The following ADAMTS17 variants were observed in gnomAD, a reference collection of about 807,000 sequenced individuals.
ADAMTS17 encodes A disintegrin and metalloproteinase with thrombospondin motifs 17.
Under a neutral mutation model 141.5 loss-of-function variants are expected in ADAMTS17, and 113 were observed. That is an observed-to-expected ratio of 0.80 (90% confidence interval 0.69 to 0.93). The LOEUF (loss-of-function observed/expected upper bound fraction) is 0.93, where lower values mean the gene tolerates loss of function less well. Ranked by LOEUF, ADAMTS17 falls within the 40% of genes least tolerant of loss-of-function variation. ADAMTS17 has a pLI of 0.00. For missense variants in ADAMTS17, 1,659 were observed against 1,517.9 expected, an observed-to-expected ratio of 1.09 and a Z score of -1.54; for synonymous variants, 768 against 630.6, an observed-to-expected ratio of 1.22 and a Z score of -3.27.
At chr15:100,313,140 C>G (rs1464018617) in intron 3 of ADAMTS17, among the ~76,000 whole-genome samples, 1 of 151,950 alleles carries the variant, frequency 6.6e-6, no homozygotes, top group East Asian at 1.9e-4. Context: ...TTCAGAGCAC[C>G]AAAAATAAAT....
chr15:100,021,580 C>T (rs1485907833), intron 18 of ADAMTS17, among the ~76,000 whole-genome samples: 1 of 152,240 alleles, frequency 6.6e-6, no homozygotes, highest in East Asian at 1.9e-4. Context: ...CTAATGCCTT[C>T]CATATCCTGA....
At chr15:100,212,879 C>T (rs1261488244) in intron 7 of ADAMTS17, among the ~76,000 whole-genome samples, 3 of 151,894 alleles carry the variant, frequency 2.0e-5, no homozygotes, top group Non-Finnish European at 4.4e-5. Context: ...GGGAATCAGC[C>T]AAGGTAATGC....
chr15:100,019,020 A>C (rs2061348029), intron 18 of ADAMTS17, among the ~76,000 whole-genome samples: 1 of 152,218 alleles, frequency 6.6e-6, no homozygotes. Flanking sequence ...AGAAAACGAC[A>C]TTCACTCCAT....
At chr15:100,129,335 G>A (rs942626322) in intron 12 of ADAMTS17, 9 of 152,260 alleles carry the variant, frequency 5.9e-5, no homozygotes, top group African/African-American at 2.2e-4. Context: ...TTCTGTGAGT[G>A]CTAATAACAA....
intron 7 of ADAMTS17, among the ~76,000 whole-genome samples, chr15:100,245,112 G>A (rs546687204): frequency 1.3e-5 from 2 of 152,224 alleles, no homozygotes; most frequent in African/African-American, 4.8e-5. Flanking sequence ...GAGAACAAGA[G>A]ACACTCCTTC....
intron 20 of ADAMTS17, among the ~76,000 whole-genome samples, chr15:99,984,197 G>A (rs1567641844): frequency 6.6e-6 from 1 of 152,206 alleles, no homozygotes; most frequent in Non-Finnish European, 1.5e-5. Context: ...AGGAGGCTGA[G>A]GTGACCCCCG....
intron 3 of ADAMTS17, among the ~76,000 whole-genome samples, chr15:100,314,062 C>G (rs539933447): frequency 3.0e-4 from 46 of 151,068 alleles, no homozygotes; most frequent in African/African-American, 1.1e-3. Context: ...ACAAAACCAC[C>G]CCAAATGTCA....
intron 18 of ADAMTS17, among the ~76,000 whole-genome samples, chr15:100,029,863 G>A (rs974859970): frequency 6.6e-6 from 1 of 152,190 alleles, no homozygotes; most frequent in Non-Finnish European, 1.5e-5. Flanking sequence ...CCCTGGACCA[G>A]CATCATGAGT....
intron 15 of ADAMTS17, among the ~76,000 whole-genome samples, chr15:100,079,678 C>T (rs10152483): frequency 1.3e-5 from 2 of 152,018 alleles, no homozygotes; most frequent in South Asian, 2.1e-4. Flanking sequence ...ATCATGGAAA[C>T]GGCAGTGGTT....
chr15:100,288,874 T>C (rs1314439036), intron 3 of ADAMTS17, among the ~76,000 whole-genome samples: 1 of 152,134 alleles, frequency 6.6e-6, no homozygotes, highest in Non-Finnish European at 1.5e-5. Flanking sequence ...GTTATTTAAA[T>C]GCCAAATGCT....
At chr15:100,205,100 C>G (rs2041483510) in intron 7 of ADAMTS17, among the ~76,000 whole-genome samples, 2 of 152,178 alleles carry the variant, frequency 1.3e-5, no homozygotes, top group Admixed American at 6.5e-5. Context: ...AATGAGACCA[C>G]AGCTTAGGAC....
At chr15:100,154,763 AC>A (rs913309502) in intron 9 of ADAMTS17, among the ~76,000 whole-genome samples, 3 of 151,942 alleles carry the variant, frequency 2.0e-5, no homozygotes, top group African/African-American at 7.2e-5. Flanking sequence ...AGCTGAGCAA[AC>A]CCACCCCTCA....
At chr15:100,229,212 C>A (rs986416255) in intron 7 of ADAMTS17, among the ~76,000 whole-genome samples, 7 of 152,168 alleles carry the variant, frequency 4.6e-5, no homozygotes, top group African/African-American at 7.2e-5. Flanking sequence ...CACAACCCAA[C>A]AGCTTGCAAA....
At chr15:100,340,959 C>G in intron 2 of ADAMTS17, 80 bp downstream of exon 2, 59 of 1,280,062 alleles carry the variant, frequency 4.6e-5, no homozygotes, top group East Asian at 5.6e-5. Flanking sequence ...AGCAGAGGCG[C>G]CCCACCCCCA....
At chr15:100,116,160 CCA>C (rs2037117897) in intron 13 of ADAMTS17, among the ~76,000 whole-genome samples, 1 of 127,404 alleles carries the variant, frequency 7.8e-6, no homozygotes, top group Admixed American at 7.9e-5. Flanking sequence ...AAAAAAAAAC[CCA>C]ACAACCCTGA....
intron 18 of ADAMTS17, among the ~76,000 whole-genome samples, chr15:100,041,695 G>A (rs181141460): frequency 2.6e-5 from 4 of 152,262 alleles, no homozygotes; most frequent in Non-Finnish European, 4.4e-5. Context: ...CTGGGGAGAC[G>A]CCATCTGCCA....
chr15:100,259,520 G>T (rs1185569242), intron 6 of ADAMTS17, among the ~76,000 whole-genome samples: 1 of 152,228 alleles, frequency 6.6e-6, no homozygotes, highest in Non-Finnish European at 1.5e-5. Context: ...TCAAAAGCAT[G>T]GGCCAGGTCA....
At chr15:100,055,450 G>A (rs1393664525) in intron 15 of ADAMTS17, among the ~76,000 whole-genome samples, 1 of 152,138 alleles carries the variant, frequency 6.6e-6, no homozygotes, top group East Asian at 1.9e-4. Flanking sequence ...GCTCGCTCCC[G>A]GCAAACACAC....
chr15:100,179,089 G>A (rs1332773992), intron 8 of ADAMTS17, among the ~76,000 whole-genome samples: 2 of 152,066 alleles, frequency 1.3e-5, no homozygotes, highest in Non-Finnish European at 2.9e-5. Context: ...AACAATCCAA[G>A]TATACTTTTT....
Sources: gnomAD v4.1 joint callset for allele counts (sites outside exome capture counted in the v4.1 genomes callset) on GRCh38, gnomAD v4.1.1 for gene constraint, MANE v1.5 for transcripts, NCBI Gene and HGNC (gene_info 2026-07-23, HGNC 2026-07-21) for gene names.